CFAP47: variants seen among roughly 807,000 people sequenced by gnomAD.
CFAP47 encodes cilia and flagella associated protein 47, also known as cilia- and flagella-associated protein 47.
A neutral mutation model predicts 148.1 loss-of-function variants in CFAP47; 29 were observed. That is an observed-to-expected ratio of 0.20 (90% CI 0.15 to 0.27). The LOEUF is 0.27. CFAP47 is among the 10% of genes least tolerant of loss of function. CFAP47 has a pLI of 1.00. For missense variants in CFAP47, 1,872 were observed against 1,697.5 expected (o/e 1.10, Z -1.81); for synonymous variants, 664 against 577.3 (o/e 1.15, Z -2.15).
chrX:36,262,072 A>T (rs1039632363), intron 49 of CFAP47, among the ~76,000 whole-genome samples: 2 of 111,707 alleles, frequency 1.8e-5, no homozygotes, highest in East Asian at 5.7e-4. Flanking sequence ...TTTCTTTTAA[A>T]TTTTTTTATT....
chrX:35,923,649 G>A (rs753941240), intron 1 of CFAP47, among the ~76,000 whole-genome samples: 1 of 108,820 alleles, frequency 9.2e-6, no homozygotes, highest in Non-Finnish European at 1.9e-5. Context: ...GTGAAACCCC[G>A]TCTCTATTAA....
At chrX:36,153,312 A>C (rs1236645212) in intron 37 of CFAP47, among the ~76,000 whole-genome samples, 2 of 112,134 alleles carry the variant, frequency 1.8e-5, no homozygotes, top group African/African-American at 6.5e-5. Context: ...TTAAATCTTA[A>C]GGCACCAGAA....
intron 35 of CFAP47, among the ~76,000 whole-genome samples, chrX:36,143,313 A>T (rs1245698164): frequency 8.9e-6 from 1 of 111,942 alleles, no homozygotes; most frequent in Non-Finnish European, 1.9e-5. Context: ...GAGCATGAGG[A>T]AATGTGGACT....
intron 27 of CFAP47, among the ~76,000 whole-genome samples, chrX:36,067,865 G>GTGTTAGCCAGGA (rs1352715089): frequency 1.8e-5 from 2 of 109,381 alleles, no homozygotes; most frequent in Non-Finnish European, 3.8e-5. Context: ...GGGTTTCACC[G>GTGTTAGCCAGGA]TGGTCTCAAT....
intron 33 of CFAP47, among the ~76,000 whole-genome samples, chrX:36,135,801 G>C (rs61684179): frequency 0.098 from 10,958 of 111,297 alleles, 1,065 homozygotes; most frequent in African/African-American, 0.3. Flanking sequence ...GCTAGTGTAA[G>C]TAATTTTATA....
At chrX:35,923,818 GAAAA>G (rs775947756) in intron 1 of CFAP47, among the ~76,000 whole-genome samples, 7 of 84,542 alleles carry the variant, frequency 8.3e-5, no homozygotes, top group African/African-American at 3.5e-4. Flanking sequence ...GAATCCGTCT[GAAAA>G]AAAAAAGTGT....
intron 44 of CFAP47, among the ~76,000 whole-genome samples, chrX:36,202,518 T>C (rs1007475092): frequency 5.4e-5 from 6 of 110,993 alleles, no homozygotes; most frequent in Non-Finnish European, 9.4e-5. Context: ...GCCTTTGAAC[T>C]TTCTCTGTTA....
At chrX:36,373,455 T>TTGTGTG (rs59261465) in intron 62 of CFAP47, among the ~76,000 whole-genome samples, 2 of 108,257 alleles carry the variant, frequency 1.8e-5, no homozygotes, top group African/African-American at 3.3e-5. Flanking sequence ...GCGTGTGTGT[T>TTGTGTG]TGTGTGTGTG....
intron 49 of CFAP47, among the ~76,000 whole-genome samples, chrX:36,264,787 G>C (rs782544301): frequency 8.9e-6 from 1 of 112,025 alleles, no homozygotes; most frequent in East Asian, 2.8e-4. Context: ...AAATGCTATT[G>C]TTGCAGGGGA....
chrX:36,063,383 A>G (rs974030550), intron 26 of CFAP47, among the ~76,000 whole-genome samples: 1 of 111,380 alleles, frequency 9.0e-6, no homozygotes, highest in Non-Finnish European at 1.9e-5. Context: ...TTTAATAGTA[A>G]TATCAATGAG....
At chrX:36,223,816 G>A (rs977108140) in intron 45 of CFAP47, among the ~76,000 whole-genome samples, 5 of 110,737 alleles carry the variant, frequency 4.5e-5, no homozygotes, top group African/African-American at 1.3e-4. Context: ...TACACAGTAC[G>A]TCTAAGCCAG....
intron 18 of CFAP47, among the ~76,000 whole-genome samples, chrX:35,995,783 G>A (rs1029567544): frequency 9.0e-6 from 1 of 111,226 alleles, no homozygotes; most frequent in African/African-American, 3.3e-5. Context: ...GGGTCCAGAT[G>A]TGTGTAAGTG....
At chrX:36,374,746 A>T (rs1434558383) in intron 62 of CFAP47, 13 of 473,809 alleles carry the variant, frequency 2.7e-5, no homozygotes, top group African/African-American at 9.9e-5. Flanking sequence ...GTCTCAATAT[A>T]TTTTTTTTTC....
In CFAP47 at chrX:36,149,111, C is replaced by G; in HGVS notation, c.5674C>G (p.Leu1892Val). Residue 1892 changes from leucine to valine, a missense_variant, in exon 37 of 64, where the codon CTA becomes GTA. Coordinates refer to ENST00000378653, the MANE Select transcript of CFAP47 (RefSeq NM_001304548.2). ...ATCCTCTTCTACTTCTACATAGATT[C>G]TACTGAAAAATTCCAGCTCGCGAAA... ...TLHDTVLNKILLKNSSSRNLV... is the reference protein window; with the variant it reads ...TLHDTVLNKIVLKNSSSRNLV... 1 of 296,030 alleles carries G rather than the reference C, an allele frequency of 3.4e-6. No homozygotes were observed. Among genetic ancestry groups the G allele is most frequent in the Non-Finnish European group, 5.9e-6 (1 of 169,444 alleles). 24.4% of individuals were successfully genotyped at this position (296,030 alleles called of 1,213,427 possible). A position where few individuals can be genotyped will look rare whatever the true frequency, so the allele number is the denominator to read the frequency against.
At chrX:36,039,306 A>G (rs1421637221) in intron 25 of CFAP47, 127 bp downstream of exon 25, 7 of 334,668 alleles carry the variant, frequency 2.1e-5, no homozygotes, top group African/African-American at 1.6e-4. Flanking sequence ...ATATTTAACC[A>G]TACATTAAAA....
At chrX:36,021,763 C>T (rs59882621) in intron 22 of CFAP47, among the ~76,000 whole-genome samples, 2,096 of 105,077 alleles carry the variant, frequency 0.02, 49 homozygotes, top group African/African-American at 0.065. Flanking sequence ...TGAGAACATG[C>T]GGTGTTTGGC....
intron 49 of CFAP47, among the ~76,000 whole-genome samples, chrX:36,264,737 G>T (rs950573063): frequency 9.9e-5 from 11 of 111,310 alleles, no homozygotes; most frequent in African/African-American, 3.6e-4. Flanking sequence ...CCTGATTTTT[G>T]GTTCTTATGA....
At chrX:36,349,480 C>T (rs1303397789) in intron 58 of CFAP47, among the ~76,000 whole-genome samples, 1 of 111,261 alleles carries the variant, frequency 9.0e-6, no homozygotes, top group Non-Finnish European at 1.9e-5. Context: ...CCAGGCTGGT[C>T]TTGAACTCCT....
At chrX:35,929,427 G>A (rs957130696) in intron 2 of CFAP47, among the ~76,000 whole-genome samples, 1 of 111,680 alleles carries the variant, frequency 9.0e-6, no homozygotes, top group African/African-American at 3.3e-5. Flanking sequence ...AAATAATATT[G>A]TGTTTTTAAT....
Sources: allele counts gnomAD v4.1 joint callset (sites outside exome capture counted in the v4.1 genomes callset), GRCh38; gene constraint gnomAD v4.1.1; transcripts MANE v1.5; gene names NCBI Gene and HGNC (gene_info 2026-07-23, HGNC 2026-07-21).